ZFAND3: variants seen among roughly 807,000 people sequenced by gnomAD.
ZFAND3 encodes zinc finger AN1-type containing 3.
In ZFAND3, 10 loss-of-function variants were observed where a neutral mutation model predicts 29.6. The ratio of observed to expected loss-of-function variants is 0.34; its 90% CI spans 0.21 to 0.57. ZFAND3 has a LOEUF of 0.57. Ranked by LOEUF, ZFAND3 falls within the 20% of genes least tolerant of loss-of-function variation. ZFAND3 has a pLI of 0.86. For synonymous variants in ZFAND3, 128 were observed against 112.6 expected, an observed-to-expected ratio of 1.14 and a Z score of -0.87; for missense variants, 230 against 304.5, an observed-to-expected ratio of 0.76 and a Z score of 1.82.
chr6:37,978,182 T>C (rs1762521984), intron 2 of ZFAND3, among the ~76,000 whole-genome samples: 1 of 152,094 alleles, frequency 6.6e-6, no homozygotes, highest in Non-Finnish European at 1.5e-5. Context: ...GGCTGTAAAA[T>C]GTTTTTTCTA....
rs35865620 is a variant in ZFAND3, at chr6:37,834,854, CA to C, written c.71+14849del. Among the ~76,000 whole-genome samples the C allele has an allele frequency of 6.4e-3, 903 of 142,048 alleles. 4 individuals are homozygous for C. Among genetic ancestry groups the C allele is most frequent in the Non-Finnish European group, 0.01 (672 of 66,556 alleles). The allele number at this position is 142,048 out of a possible 152,430, so 93.2% of individuals were successfully genotyped here. On this transcript the variant is annotated intron_variant, in intron 1 of 5. Transcript: ENST00000287218. Reference sequence around the variant, plus strand: ...TATATGTGTGTATGCATGTATGTTTCAAAAAAAAAAACTAGATACTACCAGT... The same window carrying C: ...TATATGTGTGTATGCATGTATGTTTCAAAAAAAAAACTAGATACTACCAGT...
intron 2 of ZFAND3, among the ~76,000 whole-genome samples, chr6:38,053,826 G>A (rs913238376): frequency 3.9e-5 from 6 of 152,120 alleles, no homozygotes; most frequent in Admixed American, 2.0e-4. Context: ...TAATTTGGGG[G>A]ATACAAAATT....
chr6:38,011,128 C>T (rs1048177637), intron 2 of ZFAND3, among the ~76,000 whole-genome samples: 1 of 152,066 alleles, frequency 6.6e-6, no homozygotes, highest in Non-Finnish European at 1.5e-5. Context: ...GTTTGGGACT[C>T]ATTCATGTTG....
chr6:37,849,788 G>C (rs11967129), intron 1 of ZFAND3, among the ~76,000 whole-genome samples: 32,593 of 152,176 alleles, frequency 0.21, 4,303 homozygotes, highest in African/African-American at 0.36. Flanking sequence ...CTAAAGGGCA[G>C]CAGATGGACT....
chr6:37,872,870 C>T lies in ZFAND3; in HGVS notation c.71+52854C>T, dbSNP rs188315804. ...GTGTCTTTTGGTATACATGTGTATG[C>T]ATTTCTGCAACCTTAGTACATGCTG... is the stretch of plus-strand genomic sequence containing the variant. On this transcript the variant is annotated intron_variant, in intron 1 of 5. Coordinates refer to ENST00000287218, the MANE Select transcript of ZFAND3 (RefSeq NM_021943.3). 2.2e-4 allele frequency among the ~76,000 whole-genome samples: 34 copies of T among 152,352 alleles called. No individual in the cohort carries two copies. The East Asian group carries it at 6.2e-3, about 28-fold the overall frequency.
At chr6:38,030,827 A>G (rs979640414) in intron 2 of ZFAND3, among the ~76,000 whole-genome samples, 11 of 152,230 alleles carry the variant, frequency 7.2e-5, no homozygotes, top group Non-Finnish European at 1.0e-4. Flanking sequence ...ACAAAGTGGT[A>G]GAAGGAATGG....
intron 1 of ZFAND3, among the ~76,000 whole-genome samples, chr6:37,822,572 G>A (rs528490431): frequency 6.6e-6 from 1 of 152,276 alleles, no homozygotes; most frequent in East Asian, 1.9e-4. Context: ...GGGCAAGGAG[G>A]TGCTGGCCCC....
chr6:38,088,948 A>T (rs898675483), intron 4 of ZFAND3, among the ~76,000 whole-genome samples: 5 of 152,150 alleles, frequency 3.3e-5, no homozygotes, highest in African/African-American at 1.2e-4. Context: ...TATAAGAAGC[A>T]TGTTAATTCA....
intron 2 of ZFAND3, among the ~76,000 whole-genome samples, chr6:37,959,035 G>A (rs181410754): frequency 5.9e-5 from 9 of 152,332 alleles, no homozygotes; most frequent in Admixed American, 5.9e-4. Flanking sequence ...TTCAGTGGAA[G>A]TATTGGTGAA....
At chr6:37,971,978 A>AAAAAT (rs753109857) in intron 2 of ZFAND3, among the ~76,000 whole-genome samples, 39 of 152,222 alleles carry the variant, frequency 2.6e-4, no homozygotes, top group African/African-American at 7.2e-4. Context: ...CTGTCTCAAA[A>AAAAAT]AAAATAAAAT....
intron 1 of ZFAND3, among the ~76,000 whole-genome samples, chr6:37,880,949 C>A (rs1329883214): frequency 6.8e-6 from 1 of 146,746 alleles, no homozygotes; most frequent in Non-Finnish European, 1.5e-5. Context: ...CAGCATGGCA[C>A]ATGTATACAT....
At chr6:37,874,346 C>T (rs1764753836) in intron 1 of ZFAND3, among the ~76,000 whole-genome samples, 1 of 151,936 alleles carries the variant, frequency 6.6e-6, no homozygotes, top group African/African-American at 2.4e-5. Context: ...AGAAACCTCG[C>T]GTCTATTAAA....
chr6:37,918,323 C>T (rs944131567), intron 1 of ZFAND3, among the ~76,000 whole-genome samples: 3 of 152,136 alleles, frequency 2.0e-5, no homozygotes, highest in Non-Finnish European at 2.9e-5. Flanking sequence ...GATCCACCTG[C>T]CTCAGCCTCC....
intron 2 of ZFAND3, among the ~76,000 whole-genome samples, chr6:37,942,893 A>G (rs1168185446): frequency 6.6e-6 from 1 of 152,176 alleles, no homozygotes; most frequent in Non-Finnish European, 1.5e-5. Context: ...GGAAAACATA[A>G]AACTTACTTT....
intron 4 of ZFAND3, among the ~76,000 whole-genome samples, chr6:38,094,230 G>A (rs887847928): frequency 6.6e-6 from 1 of 151,964 alleles, no homozygotes; most frequent in Non-Finnish European, 1.5e-5. Context: ...AGGGAAGATA[G>A]CATCTACAAG....
intron 5 of ZFAND3, among the ~76,000 whole-genome samples, chr6:38,135,184 T>C (rs991483811): frequency 1.3e-5 from 2 of 152,182 alleles, no homozygotes; most frequent in Non-Finnish European, 2.9e-5. Flanking sequence ...GAATAAGCGC[T>C]GAGAGGTGAC....
chr6:38,119,475 G>A (rs1765486606), intron 5 of ZFAND3, among the ~76,000 whole-genome samples: 1 of 152,080 alleles, frequency 6.6e-6, no homozygotes, highest in Non-Finnish European at 1.5e-5. Context: ...TTCTGTACAG[G>A]TTATTAACTG....
At chr6:38,041,623 ATCTACTTTT>A (rs1426989215) in intron 2 of ZFAND3, among the ~76,000 whole-genome samples, 4,280 of 102,166 alleles carry the variant, frequency 0.042, 443 homozygotes, top group Non-Finnish European at 0.058. Context: ...CTGTTTTTTT[ATCTACTTTT>A]TCTTCTTCTT....
intron 2 of ZFAND3, among the ~76,000 whole-genome samples, chr6:37,993,709 C>T (rs767902822): frequency 1.3e-5 from 2 of 152,104 alleles, no homozygotes; most frequent in African/African-American, 2.4e-5. Context: ...TATGTGTGCA[C>T]GTGTCATTTC....
Sources: allele counts gnomAD v4.1 joint callset (sites outside exome capture counted in the v4.1 genomes callset), GRCh38; gene constraint gnomAD v4.1.1; transcripts MANE v1.5; gene names NCBI Gene and HGNC (gene_info 2026-07-23, HGNC 2026-07-21).